Variants in RETREG1 observed in about 807,000 individuals in gnomAD.
The protein encoded by RETREG1 is reticulophagy regulator 1.
In RETREG1, 44 loss-of-function variants were observed where a neutral mutation model predicts 54.8. The ratio of observed to expected loss-of-function variants is 0.80; its 90% CI spans 0.63 to 1.03. RETREG1 has a LOEUF of 1.03. Among genes scored for constraint, RETREG1 ranks in the 50% least tolerant of loss-of-function variants. The pLI, the probability that RETREG1 is intolerant of heterozygous loss-of-function variation, is 0.00. For missense variants in RETREG1, 554 were observed against 605.1 expected, an observed-to-expected ratio of 0.92 and a Z score of 0.89; for synonymous variants, 217 against 238.5, an observed-to-expected ratio of 0.91 and a Z score of 0.83.
intron 1 of RETREG1, among the ~76,000 whole-genome samples, chr5:16,574,507 G>A (rs1312399297): frequency 2.6e-5 from 4 of 152,126 alleles, no homozygotes; most frequent in Non-Finnish European, 4.4e-5. Flanking sequence ...GCTGGGTGAC[G>A]TGGTGGGTAG....
chr5:16,524,494 A>G (rs1300116984), intron 3 of RETREG1, among the ~76,000 whole-genome samples: 1 of 152,168 alleles, frequency 6.6e-6, no homozygotes, highest in South Asian at 2.1e-4. Context: ...ACATCCATCT[A>G]CTTTCAGCAT....
chr5:16,556,312 C>T (rs1741707669), intron 3 of RETREG1, among the ~76,000 whole-genome samples: 1 of 151,984 alleles, frequency 6.6e-6, no homozygotes, highest in African/African-American at 2.4e-5. Flanking sequence ...CCCGCCGCCA[C>T]GCCCGGCTAA....
In RETREG1 at chr5:16,548,193, A is replaced by G. The variant is rs117941778; in HGVS notation, c.458+17570T>C. On this transcript the variant is annotated intron_variant, in intron 3 of 8. Transcript: ENST00000306320. The stretch of plus-strand genomic sequence containing the variant: ...CTTTACTCTCTTATAGTAGTGTTAT[A>G]CGTCCATACTCTCACCATGGCCTTG... Among the ~76,000 whole-genome samples, 65 of 152,334 alleles carry G rather than the reference A, an allele frequency of 4.3e-4. No individual in the cohort carries two copies. In the East Asian group the frequency reaches 0.012, roughly 28 times the overall value.
At chr5:16,615,523 A>G (rs780187000) in intron 1 of RETREG1, among the ~76,000 whole-genome samples, 15 of 152,206 alleles carry the variant, frequency 9.9e-5, no homozygotes, top group Non-Finnish European at 1.5e-4. Context: ...GCATAAGACA[A>G]TATGTCCTTC....
chr5:16,488,581 C>T (rs1195641728), intron 3 of RETREG1, among the ~76,000 whole-genome samples: 1 of 151,972 alleles, frequency 6.6e-6, no homozygotes, highest in Non-Finnish European at 1.5e-5. Context: ...CTGGCACAGG[C>T]GTGTGAGGAG....
chr5:16,527,717 T>C lies in RETREG1; in HGVS notation c.458+38046A>G, dbSNP rs184546992. ...GCCTTGCAAAAGTTTCTTCAAAAAG[T>C]TTTAATAATATAGTAAGTGGTTGTG... On this transcript the variant is annotated intron_variant, in intron 3 of 8. Transcript: ENST00000306320. Among the ~76,000 whole-genome samples, 23 of 151,558 alleles carry C rather than the reference T, an allele frequency of 1.5e-4. No homozygotes were observed. The East Asian group carries it at 4.5e-3, about 29-fold the overall frequency.
chr5:16,492,402 T>C (rs1029536383), intron 3 of RETREG1, among the ~76,000 whole-genome samples: 23 of 151,514 alleles, frequency 1.5e-4, no homozygotes, highest in Non-Finnish European at 3.1e-4. Context: ...TTATAAGAAA[T>C]GGAAGTTGAA....
At chr5:16,555,509 A>G (rs566642668) in intron 3 of RETREG1, among the ~76,000 whole-genome samples, 42 of 152,300 alleles carry the variant, frequency 2.8e-4, no homozygotes, top group Admixed American at 6.5e-4. Flanking sequence ...CAATAAAGGT[A>G]CTCAATAAAT....
intron 3 of RETREG1, among the ~76,000 whole-genome samples, chr5:16,541,063 T>A (rs975233031): frequency 1.9e-4 from 29 of 152,192 alleles, no homozygotes; most frequent in African/African-American, 6.5e-4. Context: ...TTTCAGAAGA[T>A]ACAACAAATA....
intron 3 of RETREG1, among the ~76,000 whole-genome samples, chr5:16,499,461 T>C (rs1409206656): frequency 6.6e-6 from 1 of 152,224 alleles, no homozygotes; most frequent in Non-Finnish European, 1.5e-5. Context: ...CCCCTTACCT[T>C]ATGTAAAATA....
chr5:16,567,132 T>C (rs1317431355), intron 2 of RETREG1, among the ~76,000 whole-genome samples: 1 of 152,186 alleles, frequency 6.6e-6, no homozygotes, highest in African/African-American at 2.4e-5. Context: ...TCATTGAGCA[T>C]GGACCAGGTA....
chr5:16,538,527 T>C (rs1365226966), intron 3 of RETREG1, among the ~76,000 whole-genome samples: 2 of 152,156 alleles, frequency 1.3e-5, no homozygotes, highest in Non-Finnish European at 2.9e-5. Context: ...CTTCTATTAC[T>C]ACACCCATTT....
chr5:16,609,118 A>C (rs1034053984), intron 1 of RETREG1, among the ~76,000 whole-genome samples: 3 of 152,224 alleles, frequency 2.0e-5, no homozygotes, highest in Non-Finnish European at 2.9e-5. Context: ...CTCAACAGCC[A>C]CAGGAAGCTA....
At chr5:16,554,758 T>C (rs140079498) in intron 3 of RETREG1, among the ~76,000 whole-genome samples, 1 of 152,314 alleles carries the variant, frequency 6.6e-6, no homozygotes, top group African/African-American at 2.4e-5. Flanking sequence ...ATGATCTTTA[T>C]TGGCTACATA....
chr5:16,574,321 C>T (rs138093824), intron 1 of RETREG1, among the ~76,000 whole-genome samples: 4 of 152,058 alleles, frequency 2.6e-5, no homozygotes, highest in Non-Finnish European at 5.9e-5. Flanking sequence ...TCTTATGCTA[C>T]AAACAATAGA....
chr5:16,552,820 A>G (rs369458333), intron 3 of RETREG1, among the ~76,000 whole-genome samples: 3 of 152,326 alleles, frequency 2.0e-5, no homozygotes, highest in African/African-American at 7.2e-5. Flanking sequence ...GCCCTGCTGG[A>G]ATGTGTAGGT....
chr5:16,609,497 T>G (rs182850113), intron 1 of RETREG1, among the ~76,000 whole-genome samples: 2 of 152,330 alleles, frequency 1.3e-5, no homozygotes, highest in African/African-American at 4.8e-5. Flanking sequence ...GGAGTTATTG[T>G]CAACTGTAGT....
chr5:16,610,986 C>T (rs543216258), intron 1 of RETREG1, among the ~76,000 whole-genome samples: 1 of 152,176 alleles, frequency 6.6e-6, no homozygotes, highest in African/African-American at 2.4e-5. Flanking sequence ...ATTCACAATA[C>T]CAAAGACTTG....
intron 1 of RETREG1, among the ~76,000 whole-genome samples, chr5:16,607,625 A>G (rs372343517): frequency 6.6e-6 from 1 of 152,134 alleles, no homozygotes; most frequent in East Asian, 1.9e-4. Context: ...ATTTAAAAAA[A>G]CAAAAAAAGA....
Sources: allele counts gnomAD v4.1 joint callset (sites outside exome capture counted in the v4.1 genomes callset), GRCh38; gene constraint gnomAD v4.1.1; transcripts MANE v1.5; gene names NCBI Gene and HGNC (gene_info 2026-07-23, HGNC 2026-07-21).